The following COLEC12 variants were observed in gnomAD, a reference collection of about 807,000 sequenced individuals.
COLEC12 encodes collectin-12.
In COLEC12, 33 loss-of-function variants were observed where a neutral mutation model predicts 71.1. That is an observed-to-expected ratio of 0.46 (90% confidence interval 0.35 to 0.62). The LOEUF is 0.62. COLEC12 is among the 20% of genes least tolerant of loss of function. The pLI is 0.00. For missense variants in COLEC12, 765 were observed against 916.1 expected (o/e 0.84, Z 2.13); for synonymous variants, 350 against 353.0 (o/e 0.99, Z 0.10).
chr18:341,537 T>A (rs899126320), intron 5 of COLEC12, among the ~76,000 whole-genome samples: 1 of 152,240 alleles, frequency 6.6e-6, no homozygotes, highest in Non-Finnish European at 1.5e-5. Flanking sequence ...TAAGCACTTT[T>A]AGACTCAAAT....
intron 2 of COLEC12, among the ~76,000 whole-genome samples, chr18:452,519 C>T (rs1192306552): frequency 6.6e-6 from 1 of 152,212 alleles, no homozygotes. Context: ...TCAGCAGAAG[C>T]ATCTTCCTCC....
intron 8 of COLEC12, among the ~76,000 whole-genome samples, chr18:330,285 G>A (rs1036440726): frequency 1.4e-4 from 22 of 152,246 alleles, no homozygotes; most frequent in African/African-American, 5.3e-4. Context: ...AGCTGATACA[G>A]GGCTAGGCCT....
intron 2 of COLEC12, among the ~76,000 whole-genome samples, chr18:427,549 G>A (rs930522911): frequency 1.3e-5 from 2 of 152,028 alleles, no homozygotes; most frequent in African/African-American, 4.8e-5. Context: ...GTCCCTAGAC[G>A]GTGGTTCAGA....
intron 2 of COLEC12, among the ~76,000 whole-genome samples, chr18:366,637 G>A (rs568241641): frequency 7.2e-5 from 11 of 152,178 alleles, no homozygotes; most frequent in Non-Finnish European, 1.0e-4. Context: ...GCTAGTACTC[G>A]GCACATCCTG....
intron 2 of COLEC12, among the ~76,000 whole-genome samples, chr18:479,963 C>T: frequency 6.6e-6 from 1 of 152,176 alleles, no homozygotes; most frequent in East Asian, 1.9e-4. Flanking sequence ...CCATTAATGC[C>T]CTTGCATTTT....
At chr18:376,307 C>CA (rs560561854) in intron 2 of COLEC12, among the ~76,000 whole-genome samples, 3 of 152,046 alleles carry the variant, frequency 2.0e-5, no homozygotes, top group Non-Finnish European at 4.4e-5. Flanking sequence ...CTAACTTCAC[C>CA]AAAAAATGTA....
intron 2 of COLEC12, among the ~76,000 whole-genome samples, chr18:434,962 C>T (rs576749877): frequency 4.6e-5 from 7 of 152,324 alleles, no homozygotes; most frequent in African/African-American, 1.7e-4. Context: ...ACAACATTTG[C>T]TCAGCTTGGA....
rs779346058 is a variant in COLEC12, at chr18:347,015, T to C, written c.607A>G (p.Ile203Val). ...QNQMYSHNVV[I>V]MNLNNLNLTQ... The stretch of plus-strand genomic sequence containing the variant: ...AGGTTCAGGTTGTTGAGGTTCATGA[T>C]GACCACATTATGAGAATACATTTGG... The change falls in exon 5 of 10, where the codon ATC (isoleucine) becomes GTC (valine). Residue 203 changes from isoleucine (I) to valine (V), a missense_variant. By Grantham distance (29) the Ile-to-Val change is conservative (BLOSUM62 3). Coordinates refer to ENST00000400256, the MANE Select transcript of COLEC12 (RefSeq NM_130386.3). 7.4e-6 allele frequency: 12 copies of C among 1,614,102 alleles called. No homozygotes were observed. The African/African-American group carries it at 1.5e-4, about 20-fold the overall frequency.
intron 8 of COLEC12, 77 bp from the exon 9 acceptor site, chr18:321,884 A>G: frequency 7.1e-7 from 1 of 1,402,958 alleles, no homozygotes. Flanking sequence ...AGCAGAGAAT[A>G]TAAAAAAACA....
chr18:361,028 C>T (rs776608507), intron 2 of COLEC12, among the ~76,000 whole-genome samples: 2 of 152,124 alleles, frequency 1.3e-5, no homozygotes, highest in Non-Finnish European at 1.5e-5. Context: ...ATCCCAATCC[C>T]TCAGGTGGTT....
At chr18:433,470 T>C (rs1411823380) in intron 2 of COLEC12, among the ~76,000 whole-genome samples, 1 of 152,162 alleles carries the variant, frequency 6.6e-6, no homozygotes, top group African/African-American at 2.4e-5. Context: ...TGAGTACTAC[T>C]GCCAGTTTTT....
At chr18:379,145 C>A (rs1219340363) in intron 2 of COLEC12, among the ~76,000 whole-genome samples, 1 of 151,106 alleles carries the variant, frequency 6.6e-6, no homozygotes, top group Middle Eastern at 3.4e-3. Context: ...TTCTTTGAGA[C>A]AGGGTCTTGC....
intron 2 of COLEC12, among the ~76,000 whole-genome samples, chr18:422,050 T>C (rs975592495): frequency 2.0e-5 from 3 of 152,160 alleles, no homozygotes; most frequent in East Asian, 1.9e-4. Flanking sequence ...GCAAGCCACA[T>C]GGCTGAGAGT....
At chr18:387,746 C>CA (rs1017680439) in intron 2 of COLEC12, among the ~76,000 whole-genome samples, 18 of 152,202 alleles carry the variant, frequency 1.2e-4, no homozygotes, top group African/African-American at 4.3e-4. Context: ...TAAAGTTAGG[C>CA]AAAAAATCAT....
chr18:376,945 C>T (rs373635384), intron 2 of COLEC12, among the ~76,000 whole-genome samples: 10 of 152,310 alleles, frequency 6.6e-5, no homozygotes, highest in African/African-American at 1.4e-4. Flanking sequence ...ATGTAAAGTA[C>T]GAGCTCTTGC....
intron 8 of COLEC12, among the ~76,000 whole-genome samples, chr18:328,307 G>T (rs2143420555): frequency 6.6e-6 from 1 of 152,320 alleles, no homozygotes; most frequent in South Asian, 2.1e-4. Context: ...GAGAGTAAAA[G>T]TGAGTCTGAC....
intron 8 of COLEC12, among the ~76,000 whole-genome samples, chr18:326,087 T>C (rs1913835627): frequency 6.6e-6 from 1 of 152,240 alleles, no homozygotes; most frequent in Non-Finnish European, 1.5e-5. Context: ...TTTCAACCTT[T>C]AAACAAGGTT....
intron 2 of COLEC12, among the ~76,000 whole-genome samples, chr18:393,934 A>C (rs1191304172): frequency 6.6e-6 from 1 of 152,232 alleles, no homozygotes; most frequent in East Asian, 1.9e-4. Context: ...GTTTGTTACA[A>C]GGTTAATATC....
intron 5 of COLEC12, among the ~76,000 whole-genome samples, chr18:341,030 G>C (rs1360365989): frequency 6.6e-6 from 1 of 152,160 alleles, no homozygotes. Flanking sequence ...GGAGTGGTTG[G>C]CAATGGGAGG....
Sources: allele counts gnomAD v4.1 joint callset (sites outside exome capture counted in the v4.1 genomes callset), GRCh38; gene constraint gnomAD v4.1.1; transcripts MANE v1.5; gene names NCBI Gene and HGNC (gene_info 2026-07-23, HGNC 2026-07-21).